The following AGBL1 variants were observed in gnomAD, a reference collection of about 807,000 sequenced individuals.
AGBL1 encodes the protein AGBL carboxypeptidase 1, also known as cytosolic carboxypeptidase 4.
AGBL1 carries 130 observed loss-of-function variants against 118.9 expected under a neutral mutation model. The ratio of observed to expected loss-of-function variants is 1.09; its 90% confidence interval spans 0.95 to 1.26. AGBL1 has a LOEUF of 1.26. Among genes scored for constraint, AGBL1 ranks in the 50% most tolerant of loss-of-function variants. The probability of loss-of-function intolerance (pLI) is 0.00; values close to 1 mark genes in which losing one functional copy is unlikely to be tolerated. For synonymous variants in AGBL1, 555 were observed against 478.9 expected (o/e 1.16, Z -2.08); for missense variants, 1,584 against 1,298.1 (o/e 1.22, Z -3.38).
intron 21 of AGBL1, among the ~76,000 whole-genome samples, chr15:86,650,582 A>C (rs1033316970): frequency 6.6e-6 from 1 of 152,184 alleles, no homozygotes; most frequent in Non-Finnish European, 1.5e-5. Flanking sequence ...GTTTTTCTTC[A>C]GTCCACATGA....
intron 23 of AGBL1, among the ~76,000 whole-genome samples, chr15:86,983,713 GC>G (rs1421921411): frequency 6.6e-6 from 1 of 152,122 alleles, no homozygotes; most frequent in Non-Finnish European, 1.5e-5. Flanking sequence ...CTAATCTCCA[GC>G]CTCAAACAAC....
At chr15:86,494,297 C>A (rs2082819905) in intron 18 of AGBL1, among the ~76,000 whole-genome samples, 1 of 152,036 alleles carries the variant, frequency 6.6e-6, no homozygotes, top group Non-Finnish European at 1.5e-5. Flanking sequence ...TTTGACATGT[C>A]TGTGGCACAT....
intron 18 of AGBL1, among the ~76,000 whole-genome samples, chr15:86,505,261 G>A (rs545129321): frequency 1.3e-5 from 2 of 151,974 alleles, no homozygotes; most frequent in South Asian, 4.1e-4. Flanking sequence ...GGAGTTTGAT[G>A]AGATTTTTGG....
rs544278574 is a variant in AGBL1 at position 86,953,275 on chromosome 15, A to G, written c.3222-34712A>G. 6.6e-5 allele frequency among the ~76,000 whole-genome samples: 10 copies of G among 151,972 alleles called. No individual in the cohort carries two copies. In the South Asian group the frequency reaches 2.1e-3, roughly 32 times the overall value. On this transcript the variant is annotated intron_variant, in intron 23 of 24. Transcript: ENST00000441037. ...TGGGCAGTATGGCCATTTTAACTAT[A>G]TTGATTCTTCCTATCCACAAGCAAG...
At chr15:86,428,694 G>A (rs1241188643) in intron 18 of AGBL1, among the ~76,000 whole-genome samples, 4 of 152,216 alleles carry the variant, frequency 2.6e-5, no homozygotes, top group African/African-American at 4.8e-5. Flanking sequence ...TAATCATGAG[G>A]ATGGATCAAT....
intron 22 of AGBL1, among the ~76,000 whole-genome samples, chr15:86,876,501 A>C (rs1230677291): frequency 6.6e-6 from 1 of 152,136 alleles, no homozygotes; most frequent in Non-Finnish European, 1.5e-5. Context: ...CTGCGGGAAC[A>C]AGTTCCTCTT....
chr15:86,335,207 C>T (rs1047556577), intron 17 of AGBL1, among the ~76,000 whole-genome samples: 1 of 151,424 alleles, frequency 6.6e-6, no homozygotes, highest in African/African-American at 2.4e-5. Context: ...GGCGTGATCT[C>T]GGCTCACTGC....
chr15:86,109,442 A>G (rs2032927406), intron 1 of AGBL1, among the ~76,000 whole-genome samples: 1 of 152,234 alleles, frequency 6.6e-6, no homozygotes, highest in South Asian at 2.1e-4. Flanking sequence ...CTTTTTTCTC[A>G]TATCTTTTCT....
chr15:86,884,405 C>T (rs1041087913), intron 22 of AGBL1, among the ~76,000 whole-genome samples: 6 of 152,206 alleles, frequency 3.9e-5, no homozygotes, highest in Non-Finnish European at 8.8e-5. Context: ...TTGTTTATTC[C>T]TGGAATTTTC....
At chr15:86,572,959 A>G (rs74026906) in intron 21 of AGBL1, among the ~76,000 whole-genome samples, 10,719 of 152,270 alleles carry the variant, frequency 0.07, 432 homozygotes, top group African/African-American at 0.12. Context: ...AATCATCTCT[A>G]TTTCTAACAG....
intron 22 of AGBL1, among the ~76,000 whole-genome samples, chr15:86,811,166 C>G (rs1014518788): frequency 6.6e-6 from 1 of 152,132 alleles, no homozygotes; most frequent in Admixed American, 6.6e-5. Context: ...GAATGAACAT[C>G]AAGACCAGCT....
chr15:86,279,620 T>C lies in AGBL1; in HGVS notation c.2076-19T>C, dbSNP rs370240392. The C allele has an allele frequency of 4.1e-4, 655 of 1,611,308 alleles. No homozygotes were observed. The highest frequency in any genetic ancestry group is 4.9e-4 in the Non-Finnish European group (576 of 1,177,864). On this transcript the variant is annotated intron_variant, in intron 15 of 22. Coordinates refer to ENST00000614907, the MANE Select transcript of AGBL1 (RefSeq NM_001386094.1). ...CCACCTCTCCCTTATTCTCTTCTCT[T>C]CTCCTCCTCTCTCTTTAGAAATCAT...
At chr15:86,102,832 AC>A (rs1896817115) in intron 1 of AGBL1, among the ~76,000 whole-genome samples, 1 of 152,182 alleles carries the variant, frequency 6.6e-6, no homozygotes, top group African/African-American at 2.4e-5. Context: ...TAAAACTCTA[AC>A]TAGAGTTAGG....
At chr15:86,798,006 T>G (rs1311987767) in intron 22 of AGBL1, among the ~76,000 whole-genome samples, 2 of 152,202 alleles carry the variant, frequency 1.3e-5, no homozygotes, top group Non-Finnish European at 2.9e-5. Context: ...CAGCTAAAGC[T>G]TGGGTCCTGC....
At chr15:86,402,661 G>A (rs1394304323) in intron 18 of AGBL1, among the ~76,000 whole-genome samples, 1 of 152,020 alleles carries the variant, frequency 6.6e-6, no homozygotes, top group African/African-American at 2.4e-5. Context: ...AATAAAAATG[G>A]GCCTTATGGA....
intron 24 of AGBL1, chr15:86,988,473 C>A (rs1198108953): frequency 6.3e-6 from 1 of 158,816 alleles, no homozygotes; most frequent in Non-Finnish European, 1.4e-5. Flanking sequence ...CTATTCATAT[C>A]ATTTTGAGGT....
intron 17 of AGBL1, among the ~76,000 whole-genome samples, chr15:86,358,030 G>T (rs1184494173): frequency 6.6e-6 from 1 of 151,930 alleles, no homozygotes; most frequent in Non-Finnish European, 1.5e-5. Context: ...TTTTTTTGTG[G>T]TGAGAACAAT....
chr15:86,169,183 C>G (rs1379832210), intron 5 of AGBL1, among the ~76,000 whole-genome samples: 2 of 152,166 alleles, frequency 1.3e-5, no homozygotes, highest in Non-Finnish European at 2.9e-5. Flanking sequence ...CTGGAGAAAC[C>G]AAGGTGCATA....
At chr15:86,796,961 G>A (rs1038323525) in intron 22 of AGBL1, among the ~76,000 whole-genome samples, 2 of 152,194 alleles carry the variant, frequency 1.3e-5, no homozygotes, top group Non-Finnish European at 2.9e-5. Flanking sequence ...GACTCCAAGA[G>A]GTGGTGCAGT....
Sources: allele counts gnomAD v4.1 joint callset (sites outside exome capture counted in the v4.1 genomes callset), GRCh38; gene constraint gnomAD v4.1.1; transcripts MANE v1.5; gene names NCBI Gene and HGNC (gene_info 2026-07-23, HGNC 2026-07-21).